Variants in METTL25 observed in about 807,000 individuals in gnomAD.
The protein encoded by METTL25 is probable methyltransferase-like protein 25.
METTL25 carries 64 observed loss-of-function variants against 71.6 expected under a neutral mutation model. That is an observed-to-expected ratio of 0.89 (90% CI 0.73 to 1.10). The LOEUF is 1.10. Ranked by LOEUF, METTL25 falls within the 50% of genes least tolerant of loss-of-function variation. The pLI is 0.00. For missense variants in METTL25, 807 were observed against 707.0 expected (o/e 1.14, Z -1.60); for synonymous variants, 287 against 250.3 (o/e 1.15, Z -1.38).
chr12:82,403,207 C>T, intron 5 of METTL25, 77 bp downstream of exon 5: 2 of 1,407,350 alleles, frequency 1.4e-6, no homozygotes, highest in South Asian at 1.4e-5. Flanking sequence ...TCTATTTCTC[C>T]CCGTTTTTTC....
chr12:82,377,221 A>G (rs1883968147), intron 1 of METTL25, among the ~76,000 whole-genome samples: 1 of 152,214 alleles, frequency 6.6e-6, no homozygotes, highest in Admixed American at 6.5e-5. Flanking sequence ...AATTTAGTCA[A>G]AAAAGTAAAT....
Position 82,399,172 on chromosome 12 carries a change from A to G in METTL25, c.909A>G (p.Glu303=), listed in dbSNP as rs2137005016. ...METLHSQPHQ[E]ENLCFENSFS... ...CCCTTCATTCTCAGCCACATCAAGAAGAAAATTTGTGTTTTGAAAATTCCT... is the reference window on the plus strand; with the variant it reads ...CCCTTCATTCTCAGCCACATCAAGAGGAAAATTTGTGTTTTGAAAATTCCT... The change falls in exon 4 of 12, where the codon GAA becomes GAG. Residue 303 remains glutamate (E), a synonymous_variant. Coordinates refer to ENST00000248306, the MANE Select transcript of METTL25 (RefSeq NM_032230.3). The G allele has an allele frequency of 6.2e-7, 1 of 1,613,460 alleles. No individual in the cohort carries two copies. Among genetic ancestry groups the G allele is most frequent in the South Asian group, 1.1e-5 (1 of 90,982 alleles).
chr12:82,476,694 G>A lies in METTL25; in HGVS notation c.1623G>A (p.Met541Ile), dbSNP rs1315095617. Residue 541 changes from methionine to isoleucine, a missense_variant, in exon 10 of 12, where the codon ATG becomes ATA. Coordinates refer to ENST00000248306, the MANE Select transcript of METTL25 (RefSeq NM_032230.3). Reference protein sequence around the residue: ...MNYYEKYKPRMNELEAFNMLK... With the variant: ...MNYYEKYKPRINELEAFNMLK... The stretch of plus-strand genomic sequence containing the variant: ...ACTACGAGAAGTATAAGCCTCGAAT[G>A]AATGAGCTGGAAGCTTTTAATATGG... 6.3e-7 allele frequency: 1 copy of A among 1,597,352 alleles called. No homozygotes were observed. Among genetic ancestry groups the A allele is most frequent in the East Asian group, 2.3e-5 (1 of 44,244 alleles).
intron 5 of METTL25, among the ~76,000 whole-genome samples, chr12:82,404,926 A>G (rs1886959280): frequency 7.0e-6 from 1 of 143,558 alleles, no homozygotes; most frequent in African/African-American, 2.6e-5. Flanking sequence ...CATGGGCAAC[A>G]AGAGCAAAAC....
intron 1 of METTL25, among the ~76,000 whole-genome samples, chr12:82,368,935 T>C (rs1882886086): frequency 6.6e-6 from 1 of 152,210 alleles, no homozygotes; most frequent in African/African-American, 2.4e-5. Context: ...TTTTAAGATA[T>C]ATTTTCAGCC....
intron 9 of METTL25, among the ~76,000 whole-genome samples, chr12:82,473,761 G>A (rs1892708519): frequency 1.3e-5 from 2 of 152,156 alleles, no homozygotes; most frequent in Middle Eastern, 3.2e-3. Context: ...CAGTTCAAGG[G>A]TAGGTTTACA....
intron 7 of METTL25, chr12:82,438,514 T>C: frequency 4.1e-6 from 1 of 244,646 alleles, no homozygotes; most frequent in Non-Finnish European, 7.7e-6. Flanking sequence ...TATGGTTTCT[T>C]TTTTTTTTTT....
At chr12:82,362,092 A>G (rs1882013144) in intron 1 of METTL25, among the ~76,000 whole-genome samples, 1 of 152,262 alleles carries the variant, frequency 6.6e-6, no homozygotes, top group African/African-American at 2.4e-5. Context: ...TTTATGGAAC[A>G]AAGTTTTTTC....
At chr12:82,456,689 T>C (rs1443663207) in intron 8 of METTL25, 38 bp from the exon 9 acceptor site, 7 of 1,230,728 alleles carry the variant, frequency 5.7e-6, no homozygotes, top group African/African-American at 3.1e-5. Flanking sequence ...AAAATTTACA[T>C]TGGAAAAACT....
At chr12:82,470,760 C>G (rs747472332) in intron 9 of METTL25, among the ~76,000 whole-genome samples, 6 of 152,124 alleles carry the variant, frequency 3.9e-5, no homozygotes, top group Non-Finnish European at 7.4e-5. Context: ...TTTTTCATAT[C>G]TAATGAATTA....
chr12:82,427,031 G>A lies in METTL25; in HGVS notation c.1280-3862G>A, dbSNP rs114195876. Among the ~76,000 whole-genome samples, 548 of 151,992 alleles carry A rather than the reference G, an allele frequency of 3.6e-3. 1 individual carries two copies. The highest frequency in any genetic ancestry group is 0.013 in the African/African-American group (525 of 41,474). On this transcript the variant is annotated intron_variant, in intron 5 of 11. Transcript: ENST00000248306. ...CTTATTCCTAGGACCCTAATCAAAG[G>A]TATCTCCATAAGCGCTTGGTTTTTA...
intron 5 of METTL25, among the ~76,000 whole-genome samples, chr12:82,406,025 CT>C (rs1166181275): frequency 6.6e-6 from 1 of 152,014 alleles, no homozygotes; most frequent in Admixed American, 6.6e-5. Flanking sequence ...GTAGTTGGTA[CT>C]TTATGTAAAA....
chr12:82,455,377 G>A (rs1258015260), intron 8 of METTL25, among the ~76,000 whole-genome samples: 2 of 151,808 alleles, frequency 1.3e-5, no homozygotes, highest in African/African-American at 4.8e-5. Context: ...GAATGATACA[G>A]AAACCTACAA....
At chr12:82,386,452 TCCCTCTCTCTC>T (rs1885018452) in intron 1 of METTL25, among the ~76,000 whole-genome samples, 1 of 53,446 alleles carries the variant, frequency 1.9e-5, no homozygotes, top group Non-Finnish European at 3.5e-5. Context: ...CCTCCCTCCC[TCCCTCTCTCTC>T]TCCCTTCCTC....
At chr12:82,443,921 G>A (rs1890551600) in intron 8 of METTL25, among the ~76,000 whole-genome samples, 1 of 152,022 alleles carries the variant, frequency 6.6e-6, no homozygotes, top group Non-Finnish European at 1.5e-5. Context: ...TCCAACATTG[G>A]GGATCAAATT....
At chr12:82,411,796 C>A (rs1226567911) in intron 5 of METTL25, among the ~76,000 whole-genome samples, 3 of 152,038 alleles carry the variant, frequency 2.0e-5, no homozygotes, top group Non-Finnish European at 4.4e-5. Context: ...AAAGGTCTTA[C>A]TTAACTTTAA....
chr12:82,453,190 A>T (rs1891266684), intron 8 of METTL25, among the ~76,000 whole-genome samples: 1 of 152,094 alleles, frequency 6.6e-6, no homozygotes, highest in African/African-American at 2.4e-5. Flanking sequence ...TAATTTTTTA[A>T]TTGTTAGAAT....
intron 3 of METTL25, among the ~76,000 whole-genome samples, chr12:82,397,128 G>A (rs1181299540): frequency 3.9e-5 from 6 of 151,964 alleles, no homozygotes; most frequent in African/African-American, 1.2e-4. Flanking sequence ...TGAGATGGAT[G>A]GGTCATATGT....
chr12:82,411,673 T>G (rs1025570659), intron 5 of METTL25, among the ~76,000 whole-genome samples: 7 of 152,042 alleles, frequency 4.6e-5, no homozygotes, highest in Non-Finnish European at 5.9e-5. Context: ...TTCAAGGTAC[T>G]TGTTTGGCTT....
Sources: gnomAD v4.1 joint callset for allele counts (sites outside exome capture counted in the v4.1 genomes callset) on GRCh38, gnomAD v4.1.1 for gene constraint, MANE v1.5 for transcripts, NCBI Gene and HGNC (gene_info 2026-07-23, HGNC 2026-07-21) for gene names.